The following PUS10 variants were observed in gnomAD, a reference collection of about 807,000 sequenced individuals.
The protein encoded by PUS10 is tRNA pseudouridine synthase Pus10.
PUS10 carries 59 observed loss-of-function variants against 75.0 expected under a neutral mutation model. That is an observed-to-expected ratio of 0.79 (90% CI 0.64 to 0.98). The LOEUF is 0.98. Among genes scored for constraint, PUS10 ranks in the 50% least tolerant of loss-of-function variants. The probability of loss-of-function intolerance (pLI) is 0.00; values close to 1 mark genes in which losing one functional copy is unlikely to be tolerated. For missense variants in PUS10, 650 were observed against 614.4 expected, an observed-to-expected ratio of 1.06 and a Z score of -0.61; for synonymous variants, 219 against 211.6, an observed-to-expected ratio of 1.03 and a Z score of -0.30.
Position 60,941,314 on chromosome 2 carries a change from T to C in PUS10, c.*1081A>G, listed in dbSNP as rs1047919874. ...AAGCTCTTTGATTTGGTAACTACAT[T>C]CCAAAAGTTAATTATCAGTTACATG... On this transcript the variant is annotated 3_prime_UTR_variant, in exon 18 of 18. Transcript: ENST00000316752. The C allele has an allele frequency of 6.6e-6, 1 of 152,270 alleles. No individual in the cohort carries two copies. Among genetic ancestry groups the C allele is most frequent in the Non-Finnish European group, 1.5e-5 (1 of 67,988 alleles). The allele number at this position is 152,270 out of a possible 1,614,324, so 9.4% of individuals were successfully genotyped here.
At chr2:60,954,248 G>A in intron 12 of PUS10, 90 bp from the exon 13 acceptor site, 1 of 1,215,724 alleles carries the variant, frequency 8.2e-7, no homozygotes, top group Non-Finnish European at 1.2e-6. Flanking sequence ...TGTGAAAAGT[G>A]GGTTGAGCTC....
At chr2:60,960,122 C>T (rs566223382) in intron 11 of PUS10, among the ~76,000 whole-genome samples, 2 of 139,170 alleles carry the variant, frequency 1.4e-5, no homozygotes, top group East Asian at 2.1e-4. Context: ...ATTGAGGCTG[C>T]ACTCCAGCCT....
At chr2:61,000,543 C>T (rs1678786164) in intron 4 of PUS10, among the ~76,000 whole-genome samples, 1 of 152,180 alleles carries the variant, frequency 6.6e-6, no homozygotes, top group Non-Finnish European at 1.5e-5. Context: ...TGTTTCCTTG[C>T]CTTTTCTAGC....
At chr2:60,967,049 T>C (rs1027891814) in intron 6 of PUS10, 2 of 153,836 alleles carry the variant, frequency 1.3e-5, no homozygotes, top group Non-Finnish European at 2.9e-5. Flanking sequence ...ACAGGGGGAT[T>C]TGAGATACCA....
chr2:60,947,341 C>G (rs1679905491), intron 16 of PUS10, among the ~76,000 whole-genome samples: 1 of 152,104 alleles, frequency 6.6e-6, no homozygotes, highest in Non-Finnish European at 1.5e-5. Flanking sequence ...TCATCTGAGG[C>G]AAATACTTGA....
Position 60,980,314 on chromosome 2 carries a change from G to T in PUS10, c.469-8757C>A, listed in dbSNP as rs544973481. Among the ~76,000 whole-genome samples the T allele has an allele frequency of 5.9e-5, 9 of 152,328 alleles. No individual in the cohort carries two copies. The South Asian group carries it at 1.9e-3, about 32-fold the overall frequency. Reference sequence around the variant, plus strand: ...TACTCCCTCTTTGAATTTGGTTTTAGAGAGCCAGCATCTTCTCTGAAACAT... The same window carrying T: ...TACTCCCTCTTTGAATTTGGTTTTATAGAGCCAGCATCTTCTCTGAAACAT... On this transcript the variant is annotated intron_variant, in intron 4 of 17. Coordinates refer to ENST00000316752, the MANE Select transcript of PUS10 (RefSeq NM_144709.4).
intron 2 of PUS10, among the ~76,000 whole-genome samples, chr2:61,009,333 T>C (rs950581858): frequency 6.6e-6 from 1 of 152,340 alleles, no homozygotes; most frequent in South Asian, 2.1e-4. Flanking sequence ...GTGAGAGTCA[T>C]TCATTGCTAA....
At chr2:60,944,650 C>A (rs901473703) in intron 17 of PUS10, among the ~76,000 whole-genome samples, 3 of 152,180 alleles carry the variant, frequency 2.0e-5, no homozygotes, top group African/African-American at 7.2e-5. Flanking sequence ...ACCATTGGCT[C>A]ACCTCACTTT....
rs59173202 is a variant in PUS10, at chr2:60,985,938, CAAAAAAAAAAA to C, written c.469-14392_469-14382del. On this transcript the variant is annotated intron_variant, in intron 4 of 17. Transcript: ENST00000316752. ...TGTTATAGGAGAAACCAGACTTCACCAAAAAAAAAAAAAAAAAAAAAAAAGTTACTTCTACT... is the reference window on the plus strand; with the variant it reads ...TGTTATAGGAGAAACCAGACTTCACCAAAAAAAAAAAAAGTTACTTCTACT... Among the ~76,000 whole-genome samples the C allele has an allele frequency of 2.4e-4, 20 of 82,148 alleles. 1 individual carries two copies. The East Asian group carries it at 4.9e-3, about 20-fold the overall frequency. 53.9% of individuals were successfully genotyped at this position (82,148 alleles called of 152,430 possible).
intron 14 of PUS10, 73 bp downstream of exon 14, chr2:60,953,860 T>A: frequency 1.8e-6 from 2 of 1,111,390 alleles, no homozygotes; most frequent in Non-Finnish European, 2.7e-6. Flanking sequence ...CTGGATGCAA[T>A]TCCCTTATCA....
intron 15 of PUS10, among the ~76,000 whole-genome samples, chr2:60,949,391 A>G (rs1675193044): frequency 6.6e-6 from 1 of 152,166 alleles, no homozygotes; most frequent in South Asian, 2.1e-4. Flanking sequence ...TATTCCCAGT[A>G]CTTTGACCAT....
At chr2:60,961,332 T>C in intron 10 of PUS10, 131 bp downstream of exon 10, 1 of 723,974 alleles carries the variant, frequency 1.4e-6, no homozygotes, top group Non-Finnish European at 2.4e-6. Flanking sequence ...CTATTGATTC[T>C]ACTTCTCAAG....
intron 4 of PUS10, among the ~76,000 whole-genome samples, chr2:60,980,994 G>A (rs1443885585): frequency 6.6e-6 from 1 of 151,942 alleles, no homozygotes; most frequent in Non-Finnish European, 1.5e-5. Context: ...GGGCTCAAGC[G>A]ATTCTCCTGC....
intron 5 of PUS10, among the ~76,000 whole-genome samples, chr2:60,968,686 A>T (rs1049875802): frequency 1.3e-5 from 2 of 149,990 alleles, no homozygotes; most frequent in Non-Finnish European, 3.0e-5. Context: ...CCAAAAAAAA[A>T]TAAAAAAAAG....
At chr2:61,006,685 G>T in intron 3 of PUS10, 42 bp from the exon 4 acceptor site, 1 of 1,458,168 alleles carries the variant, frequency 6.9e-7, no homozygotes, top group Non-Finnish European at 9.6e-7. Context: ...AGGAATTGCT[G>T]AAAATATTAC....
intron 2 of PUS10, chr2:61,010,639 A>C (rs939153783): frequency 2.2e-6 from 2 of 897,636 alleles, no homozygotes; most frequent in Non-Finnish European, 3.3e-6. Context: ...TCTGGTTTTC[A>C]AAGTGTTTCC....
In PUS10 at chr2:60,942,150, T is replaced by G; in HGVS notation, c.*245A>C. The stretch of plus-strand genomic sequence containing the variant: ...GAGAATTATTTCATTATTCATAGTT[T>G]GGTTTGTGGGGGTGAAAGAGGGAAT... On this transcript the variant is annotated 3_prime_UTR_variant, in exon 18 of 18. Coordinates refer to ENST00000316752, the MANE Select transcript of PUS10 (RefSeq NM_144709.4). 2.2e-6 allele frequency: 1 copy of G among 444,890 alleles called. No individual in the cohort carries two copies. The highest frequency in any genetic ancestry group is 4.4e-5 in the South Asian group (1 of 22,606). 27.6% of individuals were successfully genotyped at this position (444,890 alleles called of 1,614,324 possible). A position where few individuals can be genotyped will look rare whatever the true frequency, so the allele number is the denominator to read the frequency against.
At chr2:61,017,435 C>G (rs1573541548) in intron 1 of PUS10, 2 of 252,664 alleles carry the variant, frequency 7.9e-6, no homozygotes, top group East Asian at 1.6e-4. Context: ...CCCGACTGGT[C>G]CACTCCCAGA....
chr2:61,011,760 A>C lies in PUS10; in HGVS notation c.126+5T>G. On this transcript the variant is annotated splice_donor_5th_base_variant and intron_variant, in intron 2 of 17. Transcript: ENST00000316752. Reference sequence around the variant, plus strand: ...TGAAAAAAAAAAAAAAAGAAAAGAAAATACCTTGTATGGAAGTTTGTAAGG... The same window carrying C: ...TGAAAAAAAAAAAAAAAGAAAAGAACATACCTTGTATGGAAGTTTGTAAGG... The C allele has an allele frequency of 6.5e-7, 1 of 1,536,280 alleles. No individual in the cohort carries two copies. Among genetic ancestry groups the C allele is most frequent in the Non-Finnish European group, 8.7e-7 (1 of 1,148,566 alleles).
Sources: allele counts gnomAD v4.1 joint callset (sites outside exome capture counted in the v4.1 genomes callset), GRCh38; gene constraint gnomAD v4.1.1; transcripts MANE v1.5; gene names NCBI Gene and HGNC (gene_info 2026-07-23, HGNC 2026-07-21).